The following SRP54 variants were observed in gnomAD, a reference collection of about 807,000 sequenced individuals.
SRP54 encodes signal recognition particle subunit SRP54.
Under a neutral mutation model 64.8 loss-of-function variants are expected in SRP54, and 10 were observed. The observed-to-expected ratio is 0.15, with a 90% CI of 0.10 to 0.26. SRP54 has a LOEUF of 0.26. Ranked by LOEUF, SRP54 falls within the 10% of genes least tolerant of loss-of-function variation. The pLI is 1.00. For synonymous variants in SRP54, 193 were observed against 185.6 expected, an observed-to-expected ratio of 1.04 and a Z score of -0.32; for missense variants, 325 against 613.7, an observed-to-expected ratio of 0.53 and a Z score of 4.97.
rs1326323536 is a variant in SRP54 at position 35,018,996 on chromosome 14, A to G, written c.1078A>G (p.Met360Val). ...GATCCCTGGTTTTGGGACAGATTTT[A>G]TGAGCAAAGGAAATGAACAGGAGTC... ...GMIPGFGTDF[M>V]SKGNEQESMA... The change falls in exon 13 of 16, where the codon ATG becomes GTG. Residue 360 changes from methionine (M) to valine (V), a missense_variant. By Grantham distance (21) the Met-to-Val change is conservative. Transcript: ENST00000216774. 2 of 1,613,786 alleles carry G rather than the reference A, an allele frequency of 1.2e-6. No individual in the cohort carries two copies. Among genetic ancestry groups the G allele is most frequent in the East Asian group, 2.2e-5 (1 of 44,814 alleles).
chr14:35,028,034 A>G, intron 14 of SRP54, 54 bp from the exon 15 acceptor site: 1 of 1,194,054 alleles, frequency 8.4e-7, no homozygotes. Flanking sequence ...CCCTGATTAT[A>G]CTGATTATAT....
intron 13 of SRP54, 82 bp from the exon 14 acceptor site, chr14:35,022,828 A>C (rs2044556173): frequency 1.8e-6 from 2 of 1,136,356 alleles, no homozygotes; most frequent in Non-Finnish European, 2.4e-6. Context: ...AAGCTCTTTG[A>C]AGTTATATAT....
intron 10 of SRP54, 74 bp downstream of exon 10, chr14:35,013,976 A>G (rs1315585952): frequency 9.2e-7 from 1 of 1,085,980 alleles, no homozygotes; most frequent in Non-Finnish European, 1.4e-6. Context: ...TAGGATTTTA[A>G]TTCTGTCCTC....
chr14:35,014,569 C>T (rs913181687), intron 10 of SRP54, among the ~76,000 whole-genome samples, 175 bp from the exon 11 acceptor site: 3 of 152,078 alleles, frequency 2.0e-5, no homozygotes, highest in African/African-American at 2.4e-5. Context: ...CATGAGCCAC[C>T]GCTCCTGGCC....
At chr14:34,997,091 G>T (rs1359058175) in intron 2 of SRP54, among the ~76,000 whole-genome samples, 1 of 151,922 alleles carries the variant, frequency 6.6e-6, no homozygotes, top group Non-Finnish European at 1.5e-5. Context: ...CTGTACTTTT[G>T]TTTTCTTTAT....
chr14:35,000,856 T>C, intron 3 of SRP54, 80 bp from the exon 4 acceptor site: 3 of 656,912 alleles, frequency 4.6e-6, no homozygotes, highest in Non-Finnish European at 7.5e-6. Flanking sequence ...GTACATTCTT[T>C]GGAGCAGAAG....
At chr14:34,999,774 T>C in intron 3 of SRP54, 125 bp downstream of exon 3, 1 of 644,684 alleles carries the variant, frequency 1.6e-6, no homozygotes, top group South Asian at 2.0e-5. Context: ...AAAAGTGCTG[T>C]GTTGGAGCTC....
chr14:34,997,227 T>C (rs1437892138), intron 2 of SRP54, among the ~76,000 whole-genome samples: 1 of 152,184 alleles, frequency 6.6e-6, no homozygotes, highest in Non-Finnish European at 1.5e-5. Flanking sequence ...ATCTTGTCTG[T>C]TTTGATTCAT....
At chr14:34,986,651 G>C (rs1052088660) in intron 1 of SRP54, among the ~76,000 whole-genome samples, 1 of 151,868 alleles carries the variant, frequency 6.6e-6, no homozygotes. Flanking sequence ...AGGCTGAGGC[G>C]GGTGGATCAT....
intron 7 of SRP54, 115 bp from the exon 8 acceptor site, chr14:35,011,394 T>A (rs1052904609): frequency 8.7e-6 from 6 of 690,486 alleles, no homozygotes; most frequent in Middle Eastern, 4.9e-4. Flanking sequence ...TCTTCTAAAT[T>A]GAAATTGGGG....
intron 2 of SRP54, 25 bp downstream of exon 2, chr14:34,996,812 TA>T: frequency 6.9e-7 from 1 of 1,446,640 alleles, no homozygotes. Flanking sequence ...GTATGAAATA[TA>T]TATGATTGTA....
At chr14:35,005,901 G>A (rs1345619070) in intron 4 of SRP54, among the ~76,000 whole-genome samples, 2 of 151,884 alleles carry the variant, frequency 1.3e-5, no homozygotes, top group African/African-American at 2.4e-5. Flanking sequence ...GTGCGGTGGC[G>A]CGATCTCGGC....
At chr14:35,023,708 C>T (rs552769665) in intron 14 of SRP54, among the ~76,000 whole-genome samples, 18 of 151,742 alleles carry the variant, frequency 1.2e-4, no homozygotes, top group South Asian at 2.1e-4. Context: ...CACTTGAACC[C>T]AGGAGGCGGA....
At chr14:35,007,690 TAAAATAG>T (rs2044285796) in intron 5 of SRP54, among the ~76,000 whole-genome samples, 1 of 124,858 alleles carries the variant, frequency 8.0e-6, no homozygotes, top group African/African-American at 2.7e-5. Context: ...TATATTTACA[TAAAATAG>T]ATTTTATTAA....
rs758058844 is a variant in SRP54 at position 35,022,937 on chromosome 14, T to G, written c.1184T>G (p.Val395Gly). The stretch of plus-strand genomic sequence containing the variant: ...CTAGACAGTACGGATGGTGCCAAAG[T>G]TTTTAGTAAACAACCAGGAAGAATC... The part of the protein sequence containing the change: ...QELDSTDGAK[V>G]FSKQPGRIQR... Residue 395 changes from valine to glycine, a missense_variant, in exon 14 of 16, where the codon GTT (valine) becomes GGT (glycine). Val to Gly is a moderately radical substitution (Grantham distance 109). Around this residue, in one of 3 missense-constraint regions of SRP54, gnomAD observed 146 missense variants for 337.4 expected, o/e 0.43. Transcript: ENST00000216774. 3 of 1,613,676 alleles carry G rather than the reference T, an allele frequency of 1.9e-6. No individual in the cohort carries two copies. In the East Asian group the frequency reaches 6.7e-5, roughly 36 times the overall value.
chr14:34,988,746 A>T (rs1594976322), intron 1 of SRP54, among the ~76,000 whole-genome samples: 1 of 151,428 alleles, frequency 6.6e-6, no homozygotes, highest in African/African-American at 2.4e-5. Flanking sequence ...AGAAAAGCAA[A>T]TACTGGTTAT....
chr14:35,019,077 A>G lies in SRP54; in HGVS notation c.1156+3A>G. On this transcript the variant is annotated splice_donor_region_variant and intron_variant, in intron 13 of 15. Coordinates refer to ENST00000216774, the MANE Select transcript of SRP54 (RefSeq NM_003136.4). ...AATGGATAGTATGAATGATCAAGGT[A>G]AGATGGCAGATTATTTTCCTCAGGC... The G allele has an allele frequency of 1.9e-6, 3 of 1,598,556 alleles. No homozygotes were observed. The highest frequency in any genetic ancestry group is 2.2e-5 in the South Asian group (2 of 90,452).
intron 7 of SRP54, among the ~76,000 whole-genome samples, chr14:35,009,976 T>G (rs1326188761): frequency 6.7e-6 from 1 of 149,958 alleles, no homozygotes; most frequent in East Asian, 2.0e-4. Context: ...AGTGAAACCC[T>G]GTCTCTACTA....
At chr14:35,029,031 T>A in intron 15 of SRP54, 30 bp from the exon 16 acceptor site, 2 of 1,570,274 alleles carry the variant, frequency 1.3e-6, no homozygotes, top group Non-Finnish European at 1.7e-6. Flanking sequence ...ATTCTCTGTT[T>A]TTAACTCTAC....
Sources: gnomAD v4.1 joint callset for allele counts (sites outside exome capture counted in the v4.1 genomes callset) on GRCh38, gnomAD v4.1.1 for gene constraint, gnomAD v4.1.1 regional missense constraint, MANE v1.5 for transcripts, NCBI Gene and HGNC (gene_info 2026-07-23, HGNC 2026-07-21) for gene names.